SPAG9: variants seen among roughly 807,000 people sequenced by gnomAD.
The protein encoded by SPAG9 is C-Jun-amino-terminal kinase-interacting protein 4.
SPAG9 carries 35 observed loss-of-function variants against 166.5 expected under a neutral mutation model. The ratio of observed to expected loss-of-function variants is 0.21; its 90% CI spans 0.16 to 0.28. SPAG9 has a LOEUF of 0.28. SPAG9 is among the 10% of genes least tolerant of loss of function. The pLI is 1.00. For synonymous variants in SPAG9, 534 were observed against 565.5 expected (o/e 0.94, Z 0.79); for missense variants, 1,235 against 1,603.3 (o/e 0.77, Z 3.92).
chr17:51,019,101 G>A (rs1381930420), intron 8 of SPAG9, among the ~76,000 whole-genome samples: 1 of 152,110 alleles, frequency 6.6e-6, no homozygotes, highest in Admixed American at 6.5e-5. Context: ...GGGCTCACTT[G>A]TCCTTCTTCT....
intron 28 of SPAG9, among the ~76,000 whole-genome samples, chr17:50,971,561 G>A (rs2318382): frequency 0.05 from 7,064 of 142,206 alleles, 507 homozygotes; most frequent in African/African-American, 0.16. Flanking sequence ...TCCGCCTCCC[G>A]GGTTCAAGCG....
At position 50,963,374 on chromosome 17, in the gene SPAG9, A is replaced by T. The variant is rs1419542549; in HGVS notation, c.*2898T>A. ...GTTGACCAAAGTAAACATTACAAGA[A>T]TATGAACTTGTTATTGGGGGAAAGG... On this transcript the variant is annotated 3_prime_UTR_variant, in exon 30 of 30. Coordinates refer to ENST00000262013, the MANE Select transcript of SPAG9 (RefSeq NM_001130528.3). 6.6e-6 allele frequency: 1 copy of T among 152,210 alleles called. No homozygotes were observed. Among genetic ancestry groups the T allele is most frequent in the African/African-American group, 2.4e-5 (1 of 41,454 alleles). 9.4% of individuals were successfully genotyped at this position (152,210 alleles called of 1,614,324 possible).
At chr17:50,982,718 C>T (rs766270901) in intron 24 of SPAG9, 46 bp from the exon 25 acceptor site, 1 of 1,495,228 alleles carries the variant, frequency 6.7e-7, no homozygotes, top group Non-Finnish European at 9.1e-7. Flanking sequence ...CCACCTGTTA[C>T]TCAATTTCAA....
At chr17:51,030,551 T>C (rs2046345399) in intron 6 of SPAG9, among the ~76,000 whole-genome samples, 1 of 152,204 alleles carries the variant, frequency 6.6e-6, no homozygotes, top group Non-Finnish European at 1.5e-5. Context: ...TACAGCTATG[T>C]GGCATAAAAG....
At position 51,007,261 on chromosome 17, in the gene SPAG9, A is replaced by G; in HGVS notation, c.1271+8T>C. The G allele has an allele frequency of 6.6e-7, 1 of 1,521,836 alleles. No homozygotes were observed. Among genetic ancestry groups the G allele is most frequent in the Non-Finnish European group, 9.0e-7 (1 of 1,106,628 alleles). The allele number at this position is 1,521,836 out of a possible 1,614,324, so 94.3% of individuals were successfully genotyped here. A position where few individuals can be genotyped will look rare whatever the true frequency, so the allele number is the denominator to read the frequency against. On this transcript the variant is annotated splice_region_variant and intron_variant, in intron 10 of 29. Coordinates refer to ENST00000262013, the MANE Select transcript of SPAG9 (RefSeq NM_001130528.3). ...TTTATCTTCTGTTAAAATTTCACAT[A>G]TACTTACTTGGTTTCCAACAGTTGT...
At chr17:51,119,756 A>G (rs181593637) in intron 1 of SPAG9, among the ~76,000 whole-genome samples, 5 of 152,308 alleles carry the variant, frequency 3.3e-5, no homozygotes, top group African/African-American at 1.2e-4. Flanking sequence ...AATTGTTTAT[A>G]TATTTATTGA....
chr17:51,032,830 A>G (rs1343479357), intron 5 of SPAG9, among the ~76,000 whole-genome samples: 3 of 152,094 alleles, frequency 2.0e-5, no homozygotes, highest in African/African-American at 7.2e-5. Flanking sequence ...GCTGCTCTGG[A>G]GGCTGAGGCA....
At chr17:51,106,313 G>A (rs1047679618) in intron 1 of SPAG9, among the ~76,000 whole-genome samples, 2 of 151,778 alleles carry the variant, frequency 1.3e-5, no homozygotes, top group African/African-American at 4.8e-5. Flanking sequence ...AAAATAAATA[G>A]ATAAAATAAA....
At chr17:51,050,652 C>T (rs1425981558) in intron 3 of SPAG9, among the ~76,000 whole-genome samples, 4 of 151,178 alleles carry the variant, frequency 2.6e-5, no homozygotes. Flanking sequence ...AGTCTATAAA[C>T]ACACAAAAAA....
At position 50,989,664 on chromosome 17, in the gene SPAG9, C is replaced by T; in HGVS notation, c.2813+13G>A. ...TTCACCCAGTTGCCTAAGTTGATGA[C>T]CCATTATTATACCTCGACTGATACA... On this transcript the variant is annotated intron_variant, in intron 21 of 29. Coordinates refer to ENST00000262013, the MANE Select transcript of SPAG9 (RefSeq NM_001130528.3). The T allele has an allele frequency of 6.2e-7, 1 of 1,610,674 alleles. No homozygotes were observed.
chr17:51,088,578 C>G lies in SPAG9; in HGVS notation c.304-8874G>C, dbSNP rs541745123. 2.6e-5 allele frequency among the ~76,000 whole-genome samples: 4 copies of G among 152,176 alleles called. No individual in the cohort carries two copies. The East Asian group carries it at 7.7e-4, about 29-fold the overall frequency. On this transcript the variant is annotated intron_variant, in intron 1 of 29. Coordinates refer to ENST00000262013, the MANE Select transcript of SPAG9 (RefSeq NM_001130528.3). ...TTGGGAGGCCAAGGTGGGCAGATCA[C>G]GAGATCAGGAGATCGAGACCAACCT...
intron 2 of SPAG9, among the ~76,000 whole-genome samples, chr17:51,078,141 T>C (rs866126183): frequency 1.9e-4 from 29 of 152,204 alleles, no homozygotes; most frequent in African/African-American, 7.0e-4. Flanking sequence ...CTCAATGTAT[T>C]CAATGGTAAC....
chr17:51,120,851 G>A lies in SPAG9; in HGVS notation c.-195C>T. 1 of 332,440 alleles carries A rather than the reference G, an allele frequency of 3.0e-6. No homozygotes were observed. The highest frequency in any genetic ancestry group is 5.4e-6 in the Non-Finnish European group (1 of 186,122). The allele number at this position is 332,440 out of a possible 1,614,324, so 20.6% of individuals were successfully genotyped here. Reference sequence around the variant, plus strand: ...TGGCGTAGGCGCTCTCACCCCAACCGCCGCTGCACCAACTGCCGGGGCGGC... The same window carrying A: ...TGGCGTAGGCGCTCTCACCCCAACCACCGCTGCACCAACTGCCGGGGCGGC... On this transcript the variant is annotated 5_prime_UTR_variant, in exon 1 of 30. Coordinates refer to ENST00000262013, the MANE Select transcript of SPAG9 (RefSeq NM_001130528.3). The surrounding 1 kb of genome is among the most constrained non-coding windows in gnomAD (Gnocchi z 4.7).
intron 1 of SPAG9, among the ~76,000 whole-genome samples, chr17:51,107,659 C>T (rs1437783188): frequency 1.3e-5 from 2 of 151,520 alleles, no homozygotes; most frequent in Non-Finnish European, 2.9e-5. Flanking sequence ...ATTGCTTGAA[C>T]CCGGGAGGTG....
Position 51,089,644 on chromosome 17 carries a change from A to ATT in SPAG9, c.304-9941_304-9940insAA, listed in dbSNP as rs2048404795. 2.3e-5 allele frequency among the ~76,000 whole-genome samples: 2 copies of ATT among 88,650 alleles called. 1 individual carries two copies. Among genetic ancestry groups the ATT allele is most frequent in the South Asian group, 6.5e-4 (2 of 3,086 alleles). The allele number at this position is 88,650 out of a possible 152,430, so 58.2% of individuals were successfully genotyped here. A position where few individuals can be genotyped will look rare whatever the true frequency, so the allele number is the denominator to read the frequency against. On this transcript the variant is annotated intron_variant, in intron 1 of 29. Coordinates refer to ENST00000262013, the MANE Select transcript of SPAG9 (RefSeq NM_001130528.3). Reference sequence around the variant, plus strand: ...TTTATATATATATATATATATATATATATATATATATATATATATACACAT... The same window carrying ATT: ...TTTATATATATATATATATATATATATTTATATATATATATATATATACACAT...
chr17:50,964,713 A>C lies in SPAG9; in HGVS notation c.*1559T>G, dbSNP rs187881787. On this transcript the variant is annotated 3_prime_UTR_variant, in exon 30 of 30. Transcript: ENST00000262013. Reference sequence around the variant, plus strand: ...CATCGTGGTTTTAAAAAACTTATTAAGCAAGAAAATCAGTGAAATCCAGAC... The same window carrying C: ...CATCGTGGTTTTAAAAAACTTATTACGCAAGAAAATCAGTGAAATCCAGAC... 7.5e-5 allele frequency: 34 copies of C among 451,304 alleles called. No homozygotes were observed. The highest frequency in any genetic ancestry group is 4.1e-4 in the Admixed American group (17 of 41,740). 28.0% of individuals were successfully genotyped at this position (451,304 alleles called of 1,614,324 possible).
intron 16 of SPAG9, chr17:50,996,025 A>G: frequency 6.3e-6 from 1 of 159,970 alleles, no homozygotes; most frequent in Non-Finnish European, 1.4e-5. Flanking sequence ...AGAAAAATCA[A>G]GTTGAGCAAT....
Position 50,979,904 on chromosome 17 carries a change from G to A in SPAG9, c.3251C>T (p.Ala1084Val), listed in dbSNP as rs199660395. 1.2e-6 allele frequency: 2 copies of A among 1,612,902 alleles called. No homozygotes were observed. Among genetic ancestry groups the A allele is most frequent in the Middle Eastern group, 1.7e-4 (1 of 6,050 alleles). ...KAMKIEKSFDAHPRKESQVRQ... is the reference protein window; with the variant it reads ...KAMKIEKSFDVHPRKESQVRQ... ...CACTTGGCTCTCCTTCCTGGGATGT[G>A]CATCAAAAGATTTCTAGGAGAGATT... Residue 1084 changes from alanine (A) to valine (V), a missense_variant, in exon 26 of 30, where the codon GCA becomes GTA. Coordinates refer to ENST00000262013, the MANE Select transcript of SPAG9 (RefSeq NM_001130528.3).
At chr17:51,007,396 G>T in intron 9 of SPAG9, 70 bp from the exon 10 acceptor site, 2 of 784,900 alleles carry the variant, frequency 2.5e-6, no homozygotes, top group Non-Finnish European at 4.0e-6. Context: ...TAAAATATAA[G>T]CTATAGTCAC....
Sources: gnomAD v4.1 joint callset for allele counts (sites outside exome capture counted in the v4.1 genomes callset) on GRCh38, gnomAD v4.1.1 for gene constraint, Gnocchi (gnomAD v3.1) non-coding constraint, MANE v1.5 for transcripts, NCBI Gene and HGNC (gene_info 2026-07-23, HGNC 2026-07-21) for gene names.